XXYLT1: variants seen among roughly 807,000 people sequenced by gnomAD.
XXYLT1 encodes xyloside xylosyltransferase 1, also known as UDP-xylose:alpha-xyloside alpha-1,3-xylosyltransferase.
A neutral mutation model predicts 28.9 loss-of-function variants in XXYLT1; 20 were observed. The ratio of observed to expected loss-of-function variants is 0.69; its 90% CI spans 0.49 to 1.00. XXYLT1 has a LOEUF of 1.00. XXYLT1 is among the 50% of genes least tolerant of loss of function. The pLI, the probability that XXYLT1 is intolerant of heterozygous loss-of-function variation, is 0.00. For synonymous variants in XXYLT1, 257 were observed against 253.8 expected (o/e 1.01, Z -0.12); for missense variants, 542 against 560.1 (o/e 0.97, Z 0.33).
Position 195,129,704 on chromosome 3 carries a change from G to A in XXYLT1, c.785+26745C>T, listed in dbSNP as rs753952995. On this transcript the variant is annotated intron_variant, in intron 3 of 3. Transcript: ENST00000310380. This position sits in a 1 kb window ranked among gnomAD's most constrained non-coding sequence, Gnocchi z 4.4. ...TTCATTTGCATGTTAGTGTGCGGGC[G>A]TATGTTTTCAGTTCTCTCGGGCATT... 3.9e-5 allele frequency among the ~76,000 whole-genome samples: 6 copies of A among 152,232 alleles called. No individual in the cohort carries two copies. Among genetic ancestry groups the A allele is most frequent in the Middle Eastern group, 6.8e-3 (2 of 294 alleles).
rs545562556 is a variant in XXYLT1, at chr3:195,070,141, G to A, written c.786-30C>T. 18 of 1,510,276 alleles carry A rather than the reference G, an allele frequency of 1.2e-5. No individual in the cohort carries two copies. In the South Asian group the frequency reaches 1.3e-4, roughly 11 times the overall value. The allele number at this position is 1,510,276 out of a possible 1,614,324, so 93.6% of individuals were successfully genotyped here. ...GGAGAGAGAGGACAGAGTTAGTCCG[G>A]TGTGCAGGGGAACCAGCCTGCCGGC... On this transcript the variant is annotated intron_variant, in intron 3 of 3. Transcript: ENST00000310380.
At chr3:195,097,457 C>G (rs1013369114) in intron 3 of XXYLT1, among the ~76,000 whole-genome samples, 1 of 152,180 alleles carries the variant, frequency 6.6e-6, no homozygotes, top group African/African-American at 2.4e-5. Flanking sequence ...CACGTGCCAC[C>G]ACATGCAAGC....
In XXYLT1 at chr3:195,210,891, C is replaced by T. The variant is rs1723281947; in HGVS notation, c.652+15818G>A. ...TCTTCCACACCAAGAACCCCTGCTC[C>T]TCCCCCCAGCTGAACGCTGACAGTC... On this transcript the variant is annotated intron_variant, in intron 2 of 3. Transcript: ENST00000310380. This position sits in a 1 kb window ranked among gnomAD's most constrained non-coding sequence, Gnocchi z 4.8. Among the ~76,000 whole-genome samples the T allele has an allele frequency of 6.6e-6, 1 of 152,182 alleles. No homozygotes were observed. Among genetic ancestry groups the T allele is most frequent in the Non-Finnish European group, 1.5e-5 (1 of 68,028 alleles).
At chr3:195,234,539 G>C (rs2108813702) in intron 1 of XXYLT1, among the ~76,000 whole-genome samples, 1 of 151,298 alleles carries the variant, frequency 6.6e-6, no homozygotes, top group South Asian at 2.1e-4. Context: ...GGCTGGTCTT[G>C]AACTCCTGAC....
intron 3 of XXYLT1, among the ~76,000 whole-genome samples, chr3:195,073,998 A>G (rs1039977203): frequency 1.3e-5 from 2 of 152,074 alleles, no homozygotes; most frequent in African/African-American, 4.8e-5. Flanking sequence ...CGTCCTCCCC[A>G]GTAAAGGGCA....
At chr3:195,232,164 T>C (rs986545220) in intron 1 of XXYLT1, among the ~76,000 whole-genome samples, 7 of 152,166 alleles carry the variant, frequency 4.6e-5, no homozygotes, top group African/African-American at 1.7e-4. Context: ...TTCCAATTTA[T>C]TGGTATATAG....
At chr3:195,261,359 G>A (rs1224807118) in intron 1 of XXYLT1, among the ~76,000 whole-genome samples, 1 of 152,160 alleles carries the variant, frequency 6.6e-6, no homozygotes, top group African/African-American at 2.4e-5. Flanking sequence ...GCTTGAACCC[G>A]GGACATGGGA....
chr3:195,185,509 T>TG (rs1349503136), intron 2 of XXYLT1, among the ~76,000 whole-genome samples: 1 of 151,228 alleles, frequency 6.6e-6, no homozygotes, highest in Non-Finnish European at 1.5e-5. Context: ...CTGGGTTTTT[T>TG]TTTTTTTTTT....
At chr3:195,270,104 A>G in intron 1 of XXYLT1, 1 of 327,390 alleles carries the variant, frequency 3.1e-6, no homozygotes, top group Non-Finnish European at 6.1e-6. Context: ...GAGCAATGAG[A>G]AGTGTCACTG....
At chr3:195,207,202 ATGT>A (rs2108773568) in intron 2 of XXYLT1, among the ~76,000 whole-genome samples, 1 of 152,268 alleles carries the variant, frequency 6.6e-6, no homozygotes, top group South Asian at 2.1e-4. Context: ...TGCAGGTCCC[ATGT>A]TGTTGCTCCC....
intron 2 of XXYLT1, among the ~76,000 whole-genome samples, chr3:195,223,522 A>G (rs959891454): frequency 2.6e-5 from 4 of 152,228 alleles, no homozygotes; most frequent in African/African-American, 9.7e-5. Flanking sequence ...GAATGCAGCA[A>G]TTACATGACA....
intron 3 of XXYLT1, among the ~76,000 whole-genome samples, chr3:195,135,891 C>T (rs1024286790): frequency 1.3e-5 from 2 of 152,092 alleles, no homozygotes; most frequent in African/African-American, 2.4e-5. Context: ...AAGGTTCACC[C>T]GACTCAGGCT....
chr3:195,153,275 A>C (rs1341750422), intron 3 of XXYLT1, among the ~76,000 whole-genome samples: 1 of 152,200 alleles, frequency 6.6e-6, no homozygotes, highest in Non-Finnish European at 1.5e-5. Context: ...AAGAAGGCAA[A>C]AAACATGCTC....
chr3:195,201,429 C>T (rs2108765086), intron 2 of XXYLT1, among the ~76,000 whole-genome samples: 1 of 152,350 alleles, frequency 6.6e-6, no homozygotes, highest in East Asian at 1.9e-4. Flanking sequence ...GCCTTTAAGT[C>T]ATCCCAATGT....
At chr3:195,264,395 G>A (rs1045227394) in intron 1 of XXYLT1, among the ~76,000 whole-genome samples, 6 of 152,230 alleles carry the variant, frequency 3.9e-5, no homozygotes, top group African/African-American at 9.6e-5. Flanking sequence ...TGCCTCGGAC[G>A]GAGTCCCGCC....
chr3:195,237,155 A>G (rs1224392681), intron 1 of XXYLT1, among the ~76,000 whole-genome samples: 1 of 152,170 alleles, frequency 6.6e-6, no homozygotes, highest in Non-Finnish European at 1.5e-5. Flanking sequence ...GCACAGCACT[A>G]GGACTCACCT....
chr3:195,226,422 G>C (rs1410604528), intron 2 of XXYLT1, among the ~76,000 whole-genome samples: 2 of 152,154 alleles, frequency 1.3e-5, no homozygotes, highest in African/African-American at 4.8e-5. Flanking sequence ...GGGTTGAGCA[G>C]TGGGGAAAGA....
At position 195,133,514 on chromosome 3, in the gene XXYLT1, T is replaced by C. The variant is rs1397436202; in HGVS notation, c.785+22935A>G. 6.6e-6 allele frequency among the ~76,000 whole-genome samples: 1 copy of C among 152,184 alleles called. No homozygotes were observed. The highest frequency in any genetic ancestry group is 2.4e-5 in the African/African-American group (1 of 41,442). On this transcript the variant is annotated intron_variant, in intron 3 of 3. Coordinates refer to ENST00000310380, the MANE Select transcript of XXYLT1 (RefSeq NM_152531.5). The surrounding 1 kb of genome is among the most constrained non-coding windows in gnomAD (Gnocchi z 4.4). ...GACAGCATCTATTGAACTCTAAAAA[T>C]GAATGTGTCTGCACCAAGAAAACTA...
Position 195,179,335 on chromosome 3 carries a change from C to T in XXYLT1, c.653-22754G>A, listed in dbSNP as rs181051278. 3.1e-3 allele frequency among the ~76,000 whole-genome samples: 454 copies of T among 145,960 alleles called. 4 individuals are homozygous for T. Among genetic ancestry groups the T allele is most frequent in the African/African-American group, 0.011 (425 of 39,174 alleles). ...AGCCTGGGCGACAAGAGTGAGACAC[C>T]GTCTCAAAAAAAAAAAGAAAAAAAA... On this transcript the variant is annotated intron_variant, in intron 2 of 3. Coordinates refer to ENST00000310380, the MANE Select transcript of XXYLT1 (RefSeq NM_152531.5).
Sources: gnomAD v4.1 joint callset for allele counts (sites outside exome capture counted in the v4.1 genomes callset) on GRCh38, gnomAD v4.1.1 for gene constraint, Gnocchi (gnomAD v3.1) non-coding constraint, MANE v1.5 for transcripts, NCBI Gene and HGNC (gene_info 2026-07-23, HGNC 2026-07-21) for gene names.